The following EYS variants were observed in gnomAD, a reference collection of about 807,000 sequenced individuals.
The protein encoded by EYS is protein eyes shut homolog.
EYS carries 250 observed loss-of-function variants against 282.1 expected under a neutral mutation model. That is an observed-to-expected ratio of 0.89 (90% CI 0.80 to 0.98). The LOEUF is 0.98. Ranked by LOEUF, EYS falls within the 50% of genes least tolerant of loss-of-function variation. EYS has a pLI of 0.00. For missense variants in EYS, 4,016 were observed against 3,709.0 expected, an observed-to-expected ratio of 1.08 and a Z score of -2.15; for synonymous variants, 1,355 against 1,282.9, an observed-to-expected ratio of 1.06 and a Z score of -1.20.
chr6:64,263,132 T>C (rs1767643387), intron 30 of EYS, among the ~76,000 whole-genome samples: 1 of 152,064 alleles, frequency 6.6e-6, no homozygotes, highest in South Asian at 2.1e-4. Flanking sequence ...AAAGAAGTAA[T>C]CTGTATTATT....
intron 22 of EYS, among the ~76,000 whole-genome samples, chr6:64,757,340 A>G (rs1382205823): frequency 3.9e-5 from 6 of 152,168 alleles, no homozygotes; most frequent in South Asian, 4.1e-4. Flanking sequence ...TCAGACTTCT[A>G]TTATAACTCT....
chr6:65,683,668 T>C (rs1466451919), intron 1 of EYS, among the ~76,000 whole-genome samples: 1 of 152,002 alleles, frequency 6.6e-6, no homozygotes, highest in Non-Finnish European at 1.5e-5. Flanking sequence ...ACTCTGTTTT[T>C]AAAAACTAGC....
intron 29 of EYS, among the ~76,000 whole-genome samples, chr6:64,314,147 G>C (rs907929742): frequency 1.6e-5 from 2 of 122,364 alleles, no homozygotes; most frequent in Non-Finnish European, 1.6e-5. Flanking sequence ...GACACACACA[G>C]GCTCAAAATA....
At chr6:64,275,235 G>A (rs917227637) in intron 30 of EYS, among the ~76,000 whole-genome samples, 1 of 152,168 alleles carries the variant, frequency 6.6e-6, no homozygotes. Context: ...TTTGCGATTG[G>A]TGCTAACCCG....
intron 29 of EYS, among the ~76,000 whole-genome samples, chr6:64,362,300 C>T (rs1209986878): frequency 2.0e-5 from 3 of 151,756 alleles, no homozygotes; most frequent in Non-Finnish European, 4.4e-5. Flanking sequence ...ATCATATACT[C>T]TAATTTTAAT....
At chr6:65,064,190 AG>A (rs1359469360) in intron 12 of EYS, among the ~76,000 whole-genome samples, 2 of 143,518 alleles carry the variant, frequency 1.4e-5, no homozygotes, top group African/African-American at 2.5e-5. Flanking sequence ...TAGTATATAT[AG>A]TATACTATAT....
intron 2 of EYS, among the ~76,000 whole-genome samples, chr6:65,513,751 TA>T (rs1447674916): frequency 6.6e-6 from 1 of 151,774 alleles, no homozygotes; most frequent in Non-Finnish European, 1.5e-5. Flanking sequence ...CCCTTCATGC[TA>T]AAAACTCTCA....
At chr6:64,659,445 G>A (rs943990581) in intron 22 of EYS, among the ~76,000 whole-genome samples, 1 of 151,864 alleles carries the variant, frequency 6.6e-6, no homozygotes, top group African/African-American at 2.4e-5. Flanking sequence ...ATGAATCCAG[G>A]AGCTGGTTTT....
At chr6:64,338,790 A>T (rs1770966125) in intron 29 of EYS, among the ~76,000 whole-genome samples, 1 of 152,096 alleles carries the variant, frequency 6.6e-6, no homozygotes, top group African/African-American at 2.4e-5. Context: ...ATAGGCACAT[A>T]GACCAATGGA....
intron 12 of EYS, among the ~76,000 whole-genome samples, chr6:65,169,836 T>TGG (rs1486293859): frequency 6.6e-6 from 1 of 151,520 alleles, no homozygotes; most frequent in African/African-American, 2.4e-5. Flanking sequence ...ACTAAATTGT[T>TGG]ACACTAAACA....
chr6:65,214,505 CT>C (rs143049826), intron 12 of EYS, among the ~76,000 whole-genome samples: 33 of 152,264 alleles, frequency 2.2e-4, no homozygotes, highest in African/African-American at 7.5e-4. Context: ...GAAGTTGGAT[CT>C]TAAGGTTTAA....
Position 64,602,841 on chromosome 6 carries a change from A to G in EYS, c.3685-9532T>C, listed in dbSNP as rs1766804397. ...ATTATTTGAAAATTTAGCAATTGGA[A>G]AACAAAGTAATCTCAAAGCCATTTA... On this transcript the variant is annotated intron_variant, in intron 24 of 42. Coordinates refer to ENST00000503581, the MANE Select transcript of EYS (RefSeq NM_001142800.2). 1.3e-5 allele frequency among the ~76,000 whole-genome samples: 2 copies of G among 152,072 alleles called. 1 individual carries two copies. Among genetic ancestry groups the G allele is most frequent in the South Asian group, 4.1e-4 (2 of 4,834 alleles).
At chr6:65,441,239 C>T (rs1310446623) in intron 5 of EYS, among the ~76,000 whole-genome samples, 2 of 151,460 alleles carry the variant, frequency 1.3e-5, no homozygotes, top group East Asian at 1.9e-4. Context: ...ACTCATTGCA[C>T]ATTATGTCTC....
intron 13 of EYS, among the ~76,000 whole-genome samples, chr6:65,033,114 TC>T (rs1410658106): frequency 6.6e-6 from 1 of 152,168 alleles, no homozygotes; most frequent in African/African-American, 2.4e-5. Flanking sequence ...AGAGGAAATT[TC>T]TAAGCAGCCA....
chr6:65,389,776 C>A (rs1194223846), intron 7 of EYS, among the ~76,000 whole-genome samples: 1 of 151,898 alleles, frequency 6.6e-6, no homozygotes, highest in Non-Finnish European at 1.5e-5. Context: ...TAAGTTTGAG[C>A]TTCTATATTA....
intron 22 of EYS, among the ~76,000 whole-genome samples, chr6:64,719,189 T>C (rs1445823326): frequency 6.6e-6 from 1 of 152,166 alleles, no homozygotes; most frequent in Non-Finnish European, 1.5e-5. Flanking sequence ...GATTTTTCCC[T>C]TAACCTCAAT....
chr6:64,436,854 G>C (rs1403224419), intron 27 of EYS, among the ~76,000 whole-genome samples: 1 of 151,724 alleles, frequency 6.6e-6, no homozygotes, highest in African/African-American at 2.4e-5. Flanking sequence ...TGCTACATTG[G>C]CTTATTAAGC....
chr6:65,283,965 A>G (rs1191192004), intron 12 of EYS, among the ~76,000 whole-genome samples: 2 of 152,158 alleles, frequency 1.3e-5, no homozygotes, highest in East Asian at 3.9e-4. Context: ...TTCTGTGGCC[A>G]CTATTAAAAT....
chr6:64,143,833 T>C (rs1319002680), intron 31 of EYS, among the ~76,000 whole-genome samples: 3 of 152,244 alleles, frequency 2.0e-5, no homozygotes, highest in Non-Finnish European at 2.9e-5. Context: ...TTATTCTTAA[T>C]TAACTGCCAT....
Sources: allele counts gnomAD v4.1 joint callset (sites outside exome capture counted in the v4.1 genomes callset), GRCh38; gene constraint gnomAD v4.1.1; transcripts MANE v1.5; gene names NCBI Gene and HGNC (gene_info 2026-07-23, HGNC 2026-07-21).